The following GNB5 variants were observed in gnomAD, a reference collection of about 807,000 sequenced individuals.
GNB5 encodes the protein G protein subunit beta 5.
Under a neutral mutation model 55.3 loss-of-function variants are expected in GNB5, and 37 were observed. The observed-to-expected ratio is 0.67, with a 90% CI of 0.51 to 0.88. GNB5 has a LOEUF of 0.88. GNB5 is among the 40% of genes least tolerant of loss of function. GNB5 has a pLI of 0.00. For synonymous variants in GNB5, 219 were observed against 198.5 expected (o/e 1.10, Z -0.87); for missense variants, 476 against 515.3 (o/e 0.92, Z 0.74).
intron 3 of GNB5, among the ~76,000 whole-genome samples, chr15:52,174,809 C>T (rs1329825487): frequency 4.6e-5 from 7 of 152,190 alleles, no homozygotes; most frequent in East Asian, 3.9e-4. Context: ...TGGCTAGGCA[C>T]GGTGGCACAC....
chr15:52,173,974 G>C (rs1450101402), intron 3 of GNB5, among the ~76,000 whole-genome samples: 1 of 152,182 alleles, frequency 6.6e-6, no homozygotes, highest in Admixed American at 6.5e-5. Flanking sequence ...ACGGCAAAAG[G>C]GACTTTCTAG....
intron 5 of GNB5, 181 bp downstream of exon 5, chr15:52,149,703 A>T: frequency 1.5e-6 from 1 of 682,128 alleles, no homozygotes; most frequent in Non-Finnish European, 2.7e-6. Flanking sequence ...TAAATGCTGC[A>T]ATGGGCTGGC....
intron 3 of GNB5, among the ~76,000 whole-genome samples, chr15:52,177,483 C>A (rs1181566512): frequency 6.6e-6 from 1 of 151,070 alleles, no homozygotes; most frequent in African/African-American, 2.4e-5. Flanking sequence ...CATGGTGAAG[C>A]CTACTAAAAA....
chr15:52,184,758 T>C lies in GNB5; in HGVS notation c.-18-64A>G, dbSNP rs977625151. The C allele has an allele frequency of 5.8e-6, 8 of 1,389,794 alleles. No individual in the cohort carries two copies. The African/African-American group carries it at 1.1e-4, about 20-fold the overall frequency. 86.1% of individuals were successfully genotyped at this position (1,389,794 alleles called of 1,614,324 possible). A position where few individuals can be genotyped will look rare whatever the true frequency, so the allele number is the denominator to read the frequency against. Reference sequence around the variant, plus strand: ...AGCCAATGGTTTTAACTTTCTAAAATCTCTTCTTGCTTGTACCGTGGTAGC... The same window carrying C: ...AGCCAATGGTTTTAACTTTCTAAAACCTCTTCTTGCTTGTACCGTGGTAGC... On this transcript the variant is annotated intron_variant, in intron 1 of 12. Transcript: ENST00000261837.
intron 7 of GNB5, among the ~76,000 whole-genome samples, chr15:52,139,262 C>T (rs1566936819): frequency 1.3e-5 from 2 of 152,194 alleles, no homozygotes; most frequent in East Asian, 3.9e-4. Flanking sequence ...GGCAACACAC[C>T]AAGACCCCAT....
intron 7 of GNB5, chr15:52,137,801 C>G: frequency 7.9e-7 from 1 of 1,263,136 alleles, no homozygotes. Context: ...GTACTGACAG[C>G]AATGGAGGGG....
At chr15:52,159,824 C>G (rs1239263626) in intron 3 of GNB5, among the ~76,000 whole-genome samples, 1 of 152,090 alleles carries the variant, frequency 6.6e-6, no homozygotes, top group African/African-American at 2.4e-5. Flanking sequence ...CACCCAGGGT[C>G]AGGGAGCCAG....
intron 9 of GNB5, among the ~76,000 whole-genome samples, chr15:52,132,048 T>G (rs1483923252): frequency 6.6e-6 from 1 of 152,216 alleles, no homozygotes; most frequent in Admixed American, 6.5e-5. Context: ...GACTGCTGCT[T>G]GCTGCCCTCG....
In GNB5 at chr15:52,119,785, TCTAA is replaced by T. The variant is rs1213516571; in HGVS notation, c.*2968_*2971del. 1 of 151,978 alleles carries T rather than the reference TCTAA, an allele frequency of 6.6e-6. No homozygotes were observed. The highest frequency in any genetic ancestry group is 1.5e-5 in the Non-Finnish European group (1 of 68,010). 9.4% of individuals were successfully genotyped at this position (151,978 alleles called of 1,614,324 possible). ...CCCTCTTATGTCACCAAGGCATCCC[TCTAA>T]CTCACAGAGGAGTCCCAGTATCGGT... On this transcript the variant is annotated 3_prime_UTR_variant, in exon 13 of 13. Coordinates refer to ENST00000261837, the MANE Select transcript of GNB5 (RefSeq NM_016194.4).
At chr15:52,178,681 T>G (rs1277031974) in intron 3 of GNB5, among the ~76,000 whole-genome samples, 2 of 152,132 alleles carry the variant, frequency 1.3e-5, no homozygotes, top group Non-Finnish European at 2.9e-5. Flanking sequence ...AAGCTTAGAG[T>G]GCCTCCTATT....
Position 52,153,967 on chromosome 15 carries a change from A to T in GNB5, c.348T>A (p.Asp116Glu). ...NKVLCMDWCK[D>E]KRRIVSSSQD... ...GTGACGAGCTCACGATCCTCCTCTT[A>T]TCTTTGCACCAGTCCATGCACAGGA... Residue 116 changes from aspartate to glutamate, a missense_variant, in exon 4 of 13, where the codon GAT (aspartate) becomes GAA (glutamate). By Grantham distance (45) the Asp-to-Glu change is conservative. Coordinates refer to ENST00000261837, the MANE Select transcript of GNB5 (RefSeq NM_016194.4). 1 of 1,613,670 alleles carries T rather than the reference A, an allele frequency of 6.2e-7. No homozygotes were observed. Among genetic ancestry groups the T allele is most frequent in the East Asian group, 2.2e-5 (1 of 44,868 alleles).
At chr15:52,175,805 C>G (rs2034639311) in intron 3 of GNB5, among the ~76,000 whole-genome samples, 1 of 151,462 alleles carries the variant, frequency 6.6e-6, no homozygotes, top group Admixed American at 6.6e-5. Context: ...AATCCCAGCA[C>G]TTTGGGAGGC....
chr15:52,128,603 G>A (rs910573915), intron 9 of GNB5: 7 of 523,126 alleles, frequency 1.3e-5, no homozygotes, highest in East Asian at 5.1e-5. Flanking sequence ...TGAATCAGAC[G>A]CACAAAGCCA....
chr15:52,170,713 A>G (rs1302590987), intron 3 of GNB5, among the ~76,000 whole-genome samples: 1 of 132,544 alleles, frequency 7.5e-6, no homozygotes, highest in African/African-American at 3.6e-5. Flanking sequence ...AAAGCTGAAG[A>G]AAAAAAAAAA....
chr15:52,142,475 T>C (rs2033877735), intron 6 of GNB5, among the ~76,000 whole-genome samples: 1 of 152,194 alleles, frequency 6.6e-6, no homozygotes, highest in African/African-American at 2.4e-5. Flanking sequence ...TGTTTTTTTT[T>C]CTTAATTGTA....
chr15:52,136,545 G>A (rs1187964711), intron 7 of GNB5, among the ~76,000 whole-genome samples: 7 of 152,298 alleles, frequency 4.6e-5, no homozygotes, highest in South Asian at 2.1e-4. Flanking sequence ...GGCTGGTCAC[G>A]GGGCACACTG....
At chr15:52,136,147 C>CACACACACAA (rs2033711377) in intron 7 of GNB5, among the ~76,000 whole-genome samples, 1 of 136,798 alleles carries the variant, frequency 7.3e-6, no homozygotes, top group Non-Finnish European at 1.6e-5. Context: ...CACACACACA[C>CACACACACAA]ACACACACAC....
chr15:52,125,799 G>A, intron 11 of GNB5, 149 bp downstream of exon 11: 1 of 603,062 alleles, frequency 1.7e-6, no homozygotes, highest in South Asian at 2.0e-5. Context: ...GAAGCTCAGA[G>A]GAGGAAAACT....
chr15:52,130,936 G>A (rs2033558128), intron 9 of GNB5, among the ~76,000 whole-genome samples: 1 of 152,202 alleles, frequency 6.6e-6, no homozygotes, highest in African/African-American at 2.4e-5. Context: ...AGCGATTCTT[G>A]TGCCTTAGCC....
Sources: gnomAD v4.1 joint callset for allele counts (sites outside exome capture counted in the v4.1 genomes callset) on GRCh38, gnomAD v4.1.1 for gene constraint, MANE v1.5 for transcripts, NCBI Gene and HGNC (gene_info 2026-07-23, HGNC 2026-07-21) for gene names.